Variants in IDUA observed in about 807,000 individuals in gnomAD.
IDUA encodes iduronidase alpha-L-.
IDUA carries 65 observed loss-of-function variants against 68.9 expected under a neutral mutation model. That is an observed-to-expected ratio of 0.94 (90% confidence interval 0.77 to 1.16). The LOEUF (loss-of-function observed/expected upper bound fraction) is 1.16. Among genes scored for constraint, IDUA ranks in the 50% most tolerant of loss-of-function variants. The pLI, the probability that IDUA is intolerant of heterozygous loss-of-function variation, is 0.00. For missense variants in IDUA, 1,046 were observed against 938.0 expected, an observed-to-expected ratio of 1.12 and a Z score of -1.50; for synonymous variants, 529 against 433.6, an observed-to-expected ratio of 1.22 and a Z score of -2.73.
At chr4:993,795 A>G (rs1352711584) in intron 2 of IDUA, among the ~76,000 whole-genome samples, 2 of 152,216 alleles carry the variant, frequency 1.3e-5, no homozygotes, top group African/African-American at 2.4e-5. Flanking sequence ...TGGTCCTGCA[A>G]GGAGCCAGCC....
In IDUA at chr4:1,002,079, A is replaced by G; in HGVS notation, c.890A>G (p.Asn297Ser). The change falls in exon 7 of 14, where the codon AAC becomes AGC. Residue 297 changes from asparagine to serine, a missense_variant. Transcript: ENST00000514224. Reference protein sequence around the residue: ...FPKFADTPIYNDEADPLVGWS... With the variant: ...FPKFADTPIYSDEADPLVGWS... The stretch of plus-strand genomic sequence containing the variant: ...AAGTTCGCGGACACCCCCATTTACA[A>G]CGACGAGGCGGACCCGCTGGTGGGC... 1 of 1,585,888 alleles carries G rather than the reference A, an allele frequency of 6.3e-7. No individual in the cohort carries two copies. The highest frequency in any genetic ancestry group is 1.7e-4 in the Middle Eastern group (1 of 6,030).
chr4:1,002,974 C>T, intron 9 of IDUA, 30 bp downstream of exon 9: 2 of 1,382,638 alleles, frequency 1.4e-6, no homozygotes, highest in Non-Finnish European at 1.9e-6. Flanking sequence ...AGGTCTCTGG[C>T]CCCGCTGGGG....
At position 1,004,313 on chromosome 4, in the gene IDUA, C is replaced by T. The variant is rs756572099; in HGVS notation, c.1882C>T (p.Arg628Ter). 9 of 1,611,490 alleles carry T rather than the reference C, an allele frequency of 5.6e-6. No homozygotes were observed. The highest frequency in any genetic ancestry group is 4.5e-5 in the East Asian group (2 of 44,852). ...AGTTCGAGCCCTGGACTACTGGGCC[C>T]GACCAGGCCCCTTCTCGGACCCTGT... ...YRVRALDYWA[R>*]PGPFSDPVPY... The change falls in exon 14 of 14, where the codon CGA becomes TGA. Residue 628 changes from arginine to a stop codon, truncating the protein, a stop_gained. Coordinates refer to ENST00000514224, the MANE Select transcript of IDUA (RefSeq NM_000203.5). LOFTEE classifies it low-confidence loss of function (END_TRUNC). The surrounding 1 kb of genome is among the most constrained non-coding windows in gnomAD (Gnocchi z 5.0).
Position 1,003,460 on chromosome 4 carries a change from C to A in IDUA, c.1640C>A (p.Pro547Gln), listed in dbSNP as rs765815271. The change falls in exon 11 of 14, where the codon CCG becomes CAG. Residue 547 changes from proline to glutamine, a missense_variant. By Grantham distance (76) the Pro-to-Gln change is moderately conservative. Transcript: ENST00000514224. ...CACGTGTGTGCGCGCCCCGAGAAGC[C>A]GCCCGGGCAGGCAAGTGGCAGTCCC... ...LVHVCARPEK[P>Q]PGQVTRLRAL... The A allele has an allele frequency of 1.3e-6, 2 of 1,559,562 alleles. No individual in the cohort carries two copies. Among genetic ancestry groups the A allele is most frequent in the South Asian group, 2.3e-5 (2 of 87,030 alleles).
chr4:999,540 C>T (rs1455268519), intron 2 of IDUA, among the ~76,000 whole-genome samples: 3 of 152,274 alleles, frequency 2.0e-5, no homozygotes, highest in Non-Finnish European at 4.4e-5. Flanking sequence ...TCAGGCTCCT[C>T]ACTCCCTGTC....
Position 1,003,616 on chromosome 4 carries a change from T to C in IDUA, c.1718T>C (p.Val573Ala). ...GTTCTGGTCTGGTCGGATGAACACGTGGGCTCCAAGTGCGTGAGTGGGGCC... is the reference window on the plus strand; with the variant it reads ...GTTCTGGTCTGGTCGGATGAACACGCGGGCTCCAAGTGCGTGAGTGGGGCC... ...QLVLVWSDEH[V>A]GSKCLWTYEI... The change falls in exon 12 of 14, where the codon GTG becomes GCG. Residue 573 changes from valine (V) to alanine (A), a missense_variant. Val to Ala is a moderately conservative substitution (Grantham distance 64). Coordinates refer to ENST00000514224, the MANE Select transcript of IDUA (RefSeq NM_000203.5). 1 of 1,612,316 alleles carries C rather than the reference T, an allele frequency of 6.2e-7. No individual in the cohort carries two copies. The highest frequency in any genetic ancestry group is 8.5e-7 in the Non-Finnish European group (1 of 1,179,796).
intron 2 of IDUA, chr4:990,626 T>A: frequency 1.9e-6 from 1 of 515,062 alleles, no homozygotes; most frequent in South Asian, 2.8e-5. Context: ...CCTTGTCACG[T>A]GCAGCAGCCC....
rs768189258 is a variant in IDUA at position 1,002,282 on chromosome 4, A to G, written c.986A>G (p.His329Arg). 1.2e-6 allele frequency: 2 copies of G among 1,612,084 alleles called. No individual in the cohort carries two copies. Among genetic ancestry groups the G allele is most frequent in the Admixed American group, 3.3e-5 (2 of 59,946 alleles). ...GGACACCCGCAGGTCATCGCGCAGCATCAGAACCTGCTACTGGCCAACACC... is the reference window on the plus strand; with the variant it reads ...GGACACCCGCAGGTCATCGCGCAGCGTCAGAACCTGCTACTGGCCAACACC... ...AAMVVKVIAQ[H>R]QNLLLANTTS... is the part of the protein sequence containing the mutation. The change falls in exon 8 of 14, where the codon CAT becomes CGT. Residue 329 changes from histidine (H) to arginine (R), a missense_variant. By Grantham distance (29) the His-to-Arg change is conservative. Coordinates refer to ENST00000514224, the MANE Select transcript of IDUA (RefSeq NM_000203.5).
intron 2 of IDUA, chr4:991,934 T>A: frequency 1.1e-6 from 1 of 945,866 alleles, no homozygotes; most frequent in Non-Finnish European, 1.6e-6. Context: ...CCAGAATCCA[T>A]CGTGAGGTGA....
At chr4:998,786 C>T (rs1300423559) in intron 2 of IDUA, among the ~76,000 whole-genome samples, 4 of 151,344 alleles carry the variant, frequency 2.6e-5, no homozygotes, top group Admixed American at 1.3e-4. Flanking sequence ...CCCCCCGACC[C>T]CCCACCTCAC....
intron 1 of IDUA, 182 bp from the exon 2 acceptor site, chr4:987,627 C>G (rs564451958): frequency 6.9e-7 from 1 of 1,444,104 alleles, no homozygotes; most frequent in Non-Finnish European, 9.1e-7. Context: ...CTGCTGCTGC[C>G]GTTCCCCATG....
chr4:992,701 G>A (rs1714466991), intron 2 of IDUA: 2 of 156,408 alleles, frequency 1.3e-5, no homozygotes, highest in South Asian at 1.9e-4. Context: ...TGGGCCGGCA[G>A]AGCCGGAAGG....
intron 2 of IDUA, chr4:991,003 T>C: frequency 2.0e-6 from 2 of 997,704 alleles, no homozygotes; most frequent in Non-Finnish European, 2.9e-6. Flanking sequence ...GCCCAAGCCT[T>C]GCTGTCTTGG....
rs747608959 is a variant in IDUA, at chr4:991,298, C to T, written c.299+3349C>T. 6.2e-7 allele frequency: 1 copy of T among 1,612,792 alleles called. No individual in the cohort carries two copies. Among genetic ancestry groups the T allele is most frequent in the Non-Finnish European group, 8.5e-7 (1 of 1,179,926 alleles). On this transcript the variant is annotated intron_variant, in intron 2 of 13. Transcript: ENST00000514224. ...GCCAGCTGGAGCTCCCGGTCCACCA[C>T]CTGCCCCACCATGAGGCAAAGCAGG...
chr4:1,002,148 C>A lies in IDUA; in HGVS notation c.959C>A (p.Ala320Asp). ...QPWRADVTYA[A>D]MVVKVIAQHQ... ...TGGAGGGCGGACGTGACCTACGCGG[C>A]CATGGTGGTGAAGGTGGGCCGGCCC... Residue 320 changes from alanine to aspartate, a missense_variant, in exon 7 of 14, where the codon GCC becomes GAC. Physicochemically the swap from Ala to Asp is moderately radical, Grantham distance 126. Transcript: ENST00000514224. 1 of 1,558,528 alleles carries A rather than the reference C, an allele frequency of 6.4e-7. No individual in the cohort carries two copies. The highest frequency in any genetic ancestry group is 8.7e-7 in the Non-Finnish European group (1 of 1,151,530).
Position 1,003,135 on chromosome 4 carries a change from T to C in IDUA, c.1502T>C (p.Phe501Ser). The C allele has an allele frequency of 6.9e-7, 1 of 1,450,560 alleles. No homozygotes were observed. The highest frequency in any genetic ancestry group is 9.1e-7 in the Non-Finnish European group (1 of 1,104,738). 89.9% of individuals were successfully genotyped at this position (1,450,560 alleles called of 1,614,324 possible). A position where few individuals can be genotyped will look rare whatever the true frequency, so the allele number is the denominator to read the frequency against. Residue 501 changes from phenylalanine to serine, a missense_variant, in exon 10 of 14, where the codon TTC becomes TCC. Transcript: ENST00000514224. ...GRPVFPTAEQFRRMRAAEDPV... is the reference protein window; with the variant it reads ...GRPVFPTAEQSRRMRAAEDPV... ...CCCGTCTTCCCCACGGCAGAGCAGTTCCGGCGCATGCGCGCGGCTGAGGTA... is the reference window on the plus strand; with the variant it reads ...CCCGTCTTCCCCACGGCAGAGCAGTCCCGGCGCATGCGCGCGGCTGAGGTA...
chr4:989,099 T>C (rs1713992857), intron 2 of IDUA: 6 of 1,604,082 alleles, frequency 3.7e-6, no homozygotes, highest in Non-Finnish European at 5.1e-6. Context: ...GCGCAGTCGA[T>C]GACCACTGTG....
chr4:991,712 G>C (rs376831366), intron 2 of IDUA: 5 of 1,534,354 alleles, frequency 3.3e-6, no homozygotes, highest in Admixed American at 1.9e-5. Context: ...ATCCTGTTGC[G>C]TCAGGTCCCG....
chr4:988,069 T>C (rs1195963700), intron 2 of IDUA, 120 bp downstream of exon 2: 16 of 1,464,882 alleles, frequency 1.1e-5, no homozygotes, highest in African/African-American at 7.0e-5. Context: ...AAGCACCCTG[T>C]TGGGGAGAGC....
Sources: allele counts gnomAD v4.1 joint callset (sites outside exome capture counted in the v4.1 genomes callset), GRCh38; gene constraint gnomAD v4.1.1; non-coding constraint Gnocchi (gnomAD v3.1); transcripts MANE v1.5; gene names NCBI Gene and HGNC (gene_info 2026-07-23, HGNC 2026-07-21).